The following DPP6 variants were observed in gnomAD, a reference collection of about 807,000 sequenced individuals.
DPP6 encodes the protein A-type potassium channel modulatory protein DPP6.
Under a neutral mutation model 122.6 loss-of-function variants are expected in DPP6, and 69 were observed. The ratio of observed to expected loss-of-function variants is 0.56; its 90% CI spans 0.46 to 0.69. The LOEUF (loss-of-function observed/expected upper bound fraction) is 0.69, where lower values mean the gene tolerates loss of function less well. DPP6 is among the 30% of genes least tolerant of loss of function. The pLI is 0.00. For synonymous variants in DPP6, 418 were observed against 433.1 expected, an observed-to-expected ratio of 0.97 and a Z score of 0.43; for missense variants, 928 against 1,116.9, an observed-to-expected ratio of 0.83 and a Z score of 2.41.
rs575047350 is a variant in DPP6, at chr7:154,333,712, A to G, written c.244-112502A>G. Among the ~76,000 whole-genome samples the G allele has an allele frequency of 5.3e-5, 8 of 152,374 alleles. No homozygotes were observed. The South Asian group carries it at 1.7e-3, about 32-fold the overall frequency. On this transcript the variant is annotated intron_variant, in intron 1 of 25. Transcript: ENST00000377770. ...TTGTGAAAACTGGAATCAGAAAAAC[A>G]ATCTCCTCATTCAATTCAAGAATTC...
intron 16 of DPP6, among the ~76,000 whole-genome samples, chr7:154,845,404 G>C (rs1444394745): frequency 1.3e-5 from 2 of 152,190 alleles, no homozygotes; most frequent in African/African-American, 2.4e-5. Flanking sequence ...CAGCAACGTG[G>C]TAAGAAACAA....
At chr7:154,062,225 C>T (rs1802078076) in intron 1 of DPP6, among the ~76,000 whole-genome samples, 1 of 98,874 alleles carries the variant, frequency 1.0e-5, no homozygotes, top group Non-Finnish European at 2.2e-5. Flanking sequence ...GTTAGGTGTC[C>T]AAGTAGAAAG....
chr7:154,256,306 G>C (rs79275072), intron 1 of DPP6, among the ~76,000 whole-genome samples: 7,450 of 152,218 alleles, frequency 0.049, 245 homozygotes, highest in East Asian at 0.13. Flanking sequence ...GATCCATTTA[G>C]TAAGTACACC....
intron 1 of DPP6, among the ~76,000 whole-genome samples, chr7:154,121,111 T>C (rs1807423018): frequency 6.6e-6 from 1 of 152,170 alleles, no homozygotes; most frequent in African/African-American, 2.4e-5. Flanking sequence ...CCTCCATAAC[T>C]GTAAGTTTCC....
intron 5 of DPP6, among the ~76,000 whole-genome samples, chr7:154,568,289 A>G (rs1479929497): frequency 6.6e-6 from 1 of 152,260 alleles, no homozygotes; most frequent in African/African-American, 2.4e-5. Context: ...CAGATATTTG[A>G]AAGCCTTACA....
chr7:154,093,217 A>G (rs2150553782), intron 1 of DPP6, among the ~76,000 whole-genome samples: 1 of 150,500 alleles, frequency 6.6e-6, no homozygotes, highest in South Asian at 2.1e-4. Flanking sequence ...CACATCATAC[A>G]CATCATACAC....
chr7:154,203,748 T>G (rs1013965265), intron 1 of DPP6, among the ~76,000 whole-genome samples: 2 of 152,216 alleles, frequency 1.3e-5, no homozygotes. Flanking sequence ...GAGGCCGTAG[T>G]GCAGTGGAAG....
intron 1 of DPP6, among the ~76,000 whole-genome samples, chr7:154,248,396 A>C (rs1188971494): frequency 2.0e-5 from 3 of 152,194 alleles, no homozygotes; most frequent in Non-Finnish European, 4.4e-5. Context: ...TTCAGTATGT[A>C]AGAAGCCCCA....
chr7:154,579,667 G>T (rs1831917425), intron 5 of DPP6, among the ~76,000 whole-genome samples: 1 of 152,130 alleles, frequency 6.6e-6, no homozygotes, highest in South Asian at 2.1e-4. Context: ...GTCCTCTTCT[G>T]CCCCCCATGG....
At chr7:154,382,877 C>A (rs1451337456) in intron 1 of DPP6, among the ~76,000 whole-genome samples, 1 of 152,172 alleles carries the variant, frequency 6.6e-6, no homozygotes, top group African/African-American at 2.4e-5. Flanking sequence ...AGGCACGCAC[C>A]ACCACGCCCA....
intron 1 of DPP6, among the ~76,000 whole-genome samples, chr7:154,318,654 A>T (rs1480427315): frequency 6.6e-6 from 1 of 152,222 alleles, no homozygotes; most frequent in Non-Finnish European, 1.5e-5. Context: ...AAAGAGGCTA[A>T]GTTGTACCCG....
At chr7:154,870,165 C>G (rs1250302695) in intron 18 of DPP6, among the ~76,000 whole-genome samples, 1 of 66,558 alleles carries the variant, frequency 1.5e-5, no homozygotes. Context: ...TTTTTTTTTT[C>G]GTAGAGACAG....
chr7:154,345,867 C>A (rs1190432869), intron 1 of DPP6, among the ~76,000 whole-genome samples: 2 of 152,228 alleles, frequency 1.3e-5, no homozygotes, highest in South Asian at 2.1e-4. Flanking sequence ...CCAGAGCAAG[C>A]CCTGCTGCTC....
intron 1 of DPP6, among the ~76,000 whole-genome samples, chr7:153,984,102 A>G (rs1435046045): frequency 5.6e-5 from 8 of 142,112 alleles, no homozygotes; most frequent in Non-Finnish European, 9.2e-5. Flanking sequence ...ACACACACAC[A>G]CGTGTCACAA....
chr7:154,424,907 C>A (rs1296586905), intron 1 of DPP6, among the ~76,000 whole-genome samples: 2 of 152,182 alleles, frequency 1.3e-5, no homozygotes, highest in Non-Finnish European at 2.9e-5. Flanking sequence ...TTGAGGAATC[C>A]TTTTGATCAA....
chr7:153,908,695 A>T (rs534470568), intron 1 of DPP6, among the ~76,000 whole-genome samples: 7 of 152,300 alleles, frequency 4.6e-5, no homozygotes, highest in Non-Finnish European at 8.8e-5. Context: ...TAAAATGAGT[A>T]GTTAACTCAT....
chr7:154,768,405 C>T (rs1796038649), intron 8 of DPP6, among the ~76,000 whole-genome samples: 2 of 152,190 alleles, frequency 1.3e-5, no homozygotes, highest in African/African-American at 2.4e-5. Context: ...ACTACAGGTA[C>T]ATAGAGCAGA....
chr7:153,971,270 T>C (rs1239461749), intron 1 of DPP6, among the ~76,000 whole-genome samples: 1 of 152,076 alleles, frequency 6.6e-6, no homozygotes, highest in East Asian at 1.9e-4. Flanking sequence ...TTTTTGTAAA[T>C]TGACTTTTTA....
the DPP6 span, among the ~76,000 whole-genome samples, chr7:153,863,409 A>G: frequency 6.6e-6 from 1 of 152,300 alleles, no homozygotes; most frequent in Admixed American, 6.5e-5. Context: ...AAACAACAAC[A>G]ACAACAAACC....
Sources: gnomAD v4.1 joint callset for allele counts (sites outside exome capture counted in the v4.1 genomes callset) on GRCh38, gnomAD v4.1.1 for gene constraint, MANE v1.5 for transcripts, NCBI Gene and HGNC (gene_info 2026-07-23, HGNC 2026-07-21) for gene names.